The following AGBL1 variants were observed in gnomAD, a reference collection of about 807,000 sequenced individuals.
The protein encoded by AGBL1 is AGBL carboxypeptidase 1.
Under a neutral mutation model 118.9 loss-of-function variants are expected in AGBL1, and 130 were observed. That is an observed-to-expected ratio of 1.09 (90% CI 0.95 to 1.26). The LOEUF (loss-of-function observed/expected upper bound fraction) is 1.26. Among genes scored for constraint, AGBL1 ranks in the 50% most tolerant of loss-of-function variants. The pLI is 0.00. For synonymous variants in AGBL1, 555 were observed against 478.9 expected, an observed-to-expected ratio of 1.16 and a Z score of -2.08; for missense variants, 1,584 against 1,298.1, an observed-to-expected ratio of 1.22 and a Z score of -3.38.
intron 18 of AGBL1, among the ~76,000 whole-genome samples, chr15:86,477,251 T>C (rs2082573236): frequency 1.1e-5 from 1 of 91,134 alleles, no homozygotes; most frequent in Non-Finnish European, 2.3e-5. Context: ...CTGAAGGAGA[T>C]AGAGACACAA....
At chr15:86,081,513 TC>T (rs1233431077) in intron 1 of AGBL1, among the ~76,000 whole-genome samples, 2 of 152,346 alleles carry the variant, frequency 1.3e-5, no homozygotes, top group Non-Finnish European at 2.9e-5. Flanking sequence ...TGACTTGGCG[TC>T]CTTTGACTCA....
chr15:86,822,570 T>A (rs1387908995), intron 22 of AGBL1, among the ~76,000 whole-genome samples: 5 of 152,038 alleles, frequency 3.3e-5, no homozygotes, highest in Non-Finnish European at 5.9e-5. Flanking sequence ...CAATGACAAG[T>A]ATAGGAATTG....
At chr15:86,757,630 T>G (rs930559216) in intron 22 of AGBL1, among the ~76,000 whole-genome samples, 3 of 152,264 alleles carry the variant, frequency 2.0e-5, no homozygotes, top group African/African-American at 7.2e-5. Context: ...ATGGATATGT[T>G]TAAATGACAA....
At chr15:86,992,013 G>T (rs915482324) in intron 24 of AGBL1, among the ~76,000 whole-genome samples, 1 of 152,198 alleles carries the variant, frequency 6.6e-6, no homozygotes, top group African/African-American at 2.4e-5. Flanking sequence ...ATAAGGAAAA[G>T]AGGTTTAATT....
chr15:86,929,863 G>T (rs1251643822), intron 23 of AGBL1, among the ~76,000 whole-genome samples: 1 of 152,142 alleles, frequency 6.6e-6, no homozygotes, highest in East Asian at 1.9e-4. Flanking sequence ...AGATGAATAT[G>T]ATTTCTAAAC....
chr15:86,952,308 A>T (rs1373832159), intron 23 of AGBL1, among the ~76,000 whole-genome samples: 2 of 151,848 alleles, frequency 1.3e-5, no homozygotes, highest in African/African-American at 4.8e-5. Context: ...TCATTGTTTG[A>T]TTACTTTACT....
intron 23 of AGBL1, among the ~76,000 whole-genome samples, chr15:86,932,293 A>G (rs1268371132): frequency 6.6e-6 from 1 of 152,246 alleles, no homozygotes; most frequent in Non-Finnish European, 1.5e-5. Flanking sequence ...TATTACTGCA[A>G]GGATAGACCT....
chr15:86,606,179 T>C (rs2142380831), intron 21 of AGBL1, among the ~76,000 whole-genome samples: 1 of 150,678 alleles, frequency 6.6e-6, no homozygotes, highest in African/African-American at 2.4e-5. Flanking sequence ...GACAAAGTGT[T>C]CTAGTTATTG....
intron 24 of AGBL1, among the ~76,000 whole-genome samples, chr15:87,027,195 A>C (rs899086342): frequency 2.6e-4 from 40 of 152,040 alleles, no homozygotes; most frequent in Middle Eastern, 3.2e-3. Context: ...AACATCACTG[A>C]TCATTAGAGA....
intron 22 of AGBL1, among the ~76,000 whole-genome samples, chr15:86,858,125 T>A (rs980504024): frequency 1.3e-5 from 2 of 152,132 alleles, no homozygotes; most frequent in African/African-American, 4.8e-5. Flanking sequence ...ATGCTGGGGA[T>A]ACAATATCTG....
chr15:86,446,026 G>A (rs2082116326), intron 18 of AGBL1, among the ~76,000 whole-genome samples: 1 of 152,194 alleles, frequency 6.6e-6, no homozygotes, highest in Admixed American at 6.5e-5. Context: ...GAAGAAGGGA[G>A]AGAGACTGGT....
At chr15:86,162,989 G>A (rs2077288523) in intron 5 of AGBL1, among the ~76,000 whole-genome samples, 3 of 152,180 alleles carry the variant, frequency 2.0e-5, no homozygotes, top group East Asian at 1.9e-4. Context: ...ACCTTCTTTC[G>A]ACATGCATTC....
intron 5 of AGBL1, among the ~76,000 whole-genome samples, chr15:86,210,840 G>A (rs965454553): frequency 2.0e-4 from 31 of 152,066 alleles, no homozygotes; most frequent in Admixed American, 2.6e-4. Context: ...GTCATTCTCC[G>A]TCCAGGTTTG....
intron 17 of AGBL1, among the ~76,000 whole-genome samples, chr15:86,387,848 A>G (rs923267288): frequency 1.3e-5 from 2 of 152,124 alleles, no homozygotes; most frequent in Non-Finnish European, 2.9e-5. Context: ...GTGAAAACTA[A>G]GCAAATCCAT....
At chr15:86,260,038 A>T (rs2078957760) in intron 9 of AGBL1, among the ~76,000 whole-genome samples, 1 of 152,244 alleles carries the variant, frequency 6.6e-6, no homozygotes, top group South Asian at 2.1e-4. Context: ...GAGCTTGAAA[A>T]CTATTCTTCA....
At chr15:86,926,107 A>G (rs1013086795) in intron 23 of AGBL1, among the ~76,000 whole-genome samples, 14 of 151,974 alleles carry the variant, frequency 9.2e-5, no homozygotes, top group African/African-American at 2.7e-4. Context: ...CTTTCCTTCC[A>G]TTACCTTTTC....
chr15:86,572,326 C>T (rs2084021535), intron 21 of AGBL1, among the ~76,000 whole-genome samples: 1 of 152,326 alleles, frequency 6.6e-6, no homozygotes, highest in Non-Finnish European at 1.5e-5. Flanking sequence ...CCCTGGTTCC[C>T]GCTGGCTCCA....
intron 23 of AGBL1, among the ~76,000 whole-genome samples, chr15:86,947,749 A>G (rs2080840675): frequency 6.6e-6 from 1 of 152,166 alleles, no homozygotes; most frequent in South Asian, 2.1e-4. Context: ...TTAGCCTTAT[A>G]TTTCTTATTT....
At chr15:86,746,736 G>T (rs2077762261) in intron 22 of AGBL1, among the ~76,000 whole-genome samples, 4 of 151,762 alleles carry the variant, frequency 2.6e-5, no homozygotes, top group Non-Finnish European at 5.9e-5. Flanking sequence ...ATCTAGTGTT[G>T]GTCATTAAAT....
Sources: allele counts gnomAD v4.1 joint callset (sites outside exome capture counted in the v4.1 genomes callset), GRCh38; gene constraint gnomAD v4.1.1; transcripts MANE v1.5; gene names NCBI Gene and HGNC (gene_info 2026-07-23, HGNC 2026-07-21).